Variants in EPHA6 observed in about 807,000 individuals in gnomAD.
EPHA6 encodes the protein EPH receptor A6.
Under a neutral mutation model 112.0 loss-of-function variants are expected in EPHA6, and 50 were observed. The ratio of observed to expected loss-of-function variants is 0.45; its 90% CI spans 0.36 to 0.56. The LOEUF (loss-of-function observed/expected upper bound fraction) is 0.56. Among genes scored for constraint, EPHA6 ranks in the 20% least tolerant of loss-of-function variants. The probability of loss-of-function intolerance (pLI) is 0.00; values close to 1 mark genes in which losing one functional copy is unlikely to be tolerated. For synonymous variants in EPHA6, 529 were observed against 490.7 expected, an observed-to-expected ratio of 1.08 and a Z score of -1.03; for missense variants, 1,280 against 1,417.4, an observed-to-expected ratio of 0.90 and a Z score of 1.56.
intron 10 of EPHA6, among the ~76,000 whole-genome samples, chr3:97,524,309 G>C (rs1560098909): frequency 2.0e-5 from 3 of 151,874 alleles, no homozygotes; most frequent in Admixed American, 2.0e-4. Flanking sequence ...TATAGTTAAA[G>C]TATTCTAATT....
chr3:96,989,598 G>C (rs1330292004), intron 3 of EPHA6, among the ~76,000 whole-genome samples: 1 of 152,138 alleles, frequency 6.6e-6, no homozygotes, highest in East Asian at 1.9e-4. Flanking sequence ...ATGAAGGAAA[G>C]AGTTTTAAAT....
At chr3:96,832,803 A>G (rs981291877) in intron 1 of EPHA6, among the ~76,000 whole-genome samples, 1 of 152,024 alleles carries the variant, frequency 6.6e-6, no homozygotes, top group Non-Finnish European at 1.5e-5. Context: ...GTTTCATCTA[A>G]GAAAAATTTA....
intron 3 of EPHA6, among the ~76,000 whole-genome samples, chr3:97,219,758 G>A (rs540903775): frequency 6.6e-6 from 1 of 152,182 alleles, no homozygotes; most frequent in African/African-American, 2.4e-5. Context: ...CTCCTTGTTA[G>A]TTATGCAAAT....
intron 11 of EPHA6, among the ~76,000 whole-genome samples, chr3:97,564,781 G>A (rs915430552): frequency 2.0e-5 from 3 of 152,118 alleles, no homozygotes; most frequent in Non-Finnish European, 4.4e-5. Flanking sequence ...TGAGGCTAAT[G>A]TTAAATTGAA....
At chr3:97,233,704 G>A (rs1011750884) in intron 4 of EPHA6, among the ~76,000 whole-genome samples, 14 of 152,066 alleles carry the variant, frequency 9.2e-5, no homozygotes, top group Non-Finnish European at 1.5e-4. Context: ...CATTTAAAAC[G>A]GTGCTTTCAG....
rs142574567 is a variant in EPHA6 at position 96,862,139 on chromosome 3, G to A, written c.386-4686G>A. Among the ~76,000 whole-genome samples, 16 of 151,808 alleles carry A rather than the reference G, an allele frequency of 1.1e-4. No homozygotes were observed. The East Asian group carries it at 2.1e-3, about 20-fold the overall frequency. Reference sequence around the variant, plus strand: ...AAATGGACTGCTTCTAAAATGTAACGTATAAAGATACATGTTTGTTTATAT... The same window carrying A: ...AAATGGACTGCTTCTAAAATGTAACATATAAAGATACATGTTTGTTTATAT... On this transcript the variant is annotated intron_variant, in intron 1 of 17. Transcript: ENST00000389672.
intron 2 of EPHA6, among the ~76,000 whole-genome samples, chr3:96,869,089 T>C (rs10212325): frequency 0.12 from 17,694 of 151,986 alleles, 1,904 homozygotes; most frequent in Admixed American, 0.24. Flanking sequence ...ATCAATTCAT[T>C]TGTGCCAACA....
At chr3:97,148,294 A>G (rs1018190452) in intron 3 of EPHA6, among the ~76,000 whole-genome samples, 3 of 152,006 alleles carry the variant, frequency 2.0e-5, no homozygotes, top group Non-Finnish European at 4.4e-5. Flanking sequence ...ACACAGCAAG[A>G]CTCCATTTCT....
chr3:97,377,524 C>G (rs780036398), intron 5 of EPHA6, among the ~76,000 whole-genome samples: 1 of 152,084 alleles, frequency 6.6e-6, no homozygotes, highest in Non-Finnish European at 1.5e-5. Flanking sequence ...AACTTGGTAA[C>G]AAGCAGAGGT....
chr3:97,001,090 T>G (rs1225910463), intron 3 of EPHA6, among the ~76,000 whole-genome samples: 1 of 142,078 alleles, frequency 7.0e-6, no homozygotes, highest in Non-Finnish European at 1.5e-5. Flanking sequence ...TAAACCGAAC[T>G]AAGTATGCCA....
intron 6 of EPHA6, among the ~76,000 whole-genome samples, chr3:97,427,964 T>G (rs1254533295): frequency 6.6e-6 from 1 of 152,156 alleles, no homozygotes; most frequent in African/African-American, 2.4e-5. Flanking sequence ...CTATGCTGAT[T>G]ACCTGGGTGA....
rs963811056 is a variant in EPHA6 at position 97,408,982 on chromosome 3, G to A, written c.1731+3708G>A. Among the ~76,000 whole-genome samples, 8 of 152,138 alleles carry A rather than the reference G, an allele frequency of 5.3e-5. No individual in the cohort carries two copies. In the East Asian group the frequency reaches 1.5e-3, roughly 29 times the overall value. ...GAATTGATTTCAACCCTCAATCCTT[G>A]CCTAACACAGCTATTTCCTTTCAAT... On this transcript the variant is annotated intron_variant, in intron 6 of 17. Coordinates refer to ENST00000389672, the MANE Select transcript of EPHA6 (RefSeq NM_001080448.3).
In EPHA6 at chr3:97,754,213, C is replaced by T. The variant is rs2035969196; in HGVS notation, c.*5512C>T. On this transcript the variant is annotated 3_prime_UTR_variant, in exon 18 of 18. Coordinates refer to ENST00000389672, the MANE Select transcript of EPHA6 (RefSeq NM_001080448.3). ...AAGCAATTCTCCTGCCTCAGCCTCC[C>T]GAGTAGCTAGGATTACAGGCATGCG... 6.6e-6 allele frequency among the ~76,000 whole-genome samples: 1 copy of T among 151,280 alleles called. No homozygotes were observed. Among genetic ancestry groups the T allele is most frequent in the Admixed American group, 6.6e-5 (1 of 15,202 alleles).
At chr3:97,228,044 G>A (rs2078411304) in intron 4 of EPHA6, among the ~76,000 whole-genome samples, 3 of 152,130 alleles carry the variant, frequency 2.0e-5, no homozygotes, top group Non-Finnish European at 4.4e-5. Flanking sequence ...GTAAAGGAGG[G>A]AGGTGTGTCC....
intron 3 of EPHA6, among the ~76,000 whole-genome samples, chr3:97,106,406 T>G (rs2047570109): frequency 6.6e-6 from 1 of 152,096 alleles, no homozygotes; most frequent in African/African-American, 2.4e-5. Flanking sequence ...ATTGCAAATT[T>G]TATTATAATA....
intron 2 of EPHA6, among the ~76,000 whole-genome samples, chr3:96,892,611 GTAT>G (rs1336960108): frequency 2.0e-5 from 3 of 151,740 alleles, no homozygotes; most frequent in Non-Finnish European, 4.4e-5. Flanking sequence ...TAATTGGTGA[GTAT>G]TATTGTCTGT....
chr3:97,517,610 C>T (rs769657196), intron 10 of EPHA6, among the ~76,000 whole-genome samples: 2 of 151,944 alleles, frequency 1.3e-5, no homozygotes, highest in Non-Finnish European at 2.9e-5. Context: ...CATTTAAAAT[C>T]TACTCTCTCA....
intron 11 of EPHA6, among the ~76,000 whole-genome samples, chr3:97,540,277 A>G (rs1224511063): frequency 1.3e-5 from 2 of 152,268 alleles, no homozygotes; most frequent in South Asian, 2.1e-4. Flanking sequence ...ACTGGGAACT[A>G]TTTGCCATGT....
chr3:96,896,050 C>T (rs1308458598), intron 2 of EPHA6, among the ~76,000 whole-genome samples: 3 of 152,174 alleles, frequency 2.0e-5, no homozygotes, highest in Non-Finnish European at 4.4e-5. Flanking sequence ...ATGATGAAAT[C>T]ACCTATCAAT....
Sources: allele counts gnomAD v4.1 joint callset (sites outside exome capture counted in the v4.1 genomes callset), GRCh38; gene constraint gnomAD v4.1.1; transcripts MANE v1.5; gene names NCBI Gene and HGNC (gene_info 2026-07-23, HGNC 2026-07-21).